The following ROBO1 variants were observed in gnomAD, a reference collection of about 807,000 sequenced individuals.
ROBO1 encodes the protein roundabout guidance receptor 1.
Under a neutral mutation model 195.9 loss-of-function variants are expected in ROBO1, and 149 were observed. That is an observed-to-expected ratio of 0.76 (90% CI 0.67 to 0.87). The LOEUF (loss-of-function observed/expected upper bound fraction) is 0.87. Ranked by LOEUF, ROBO1 falls within the 40% of genes least tolerant of loss-of-function variation. The pLI, the probability that ROBO1 is intolerant of heterozygous loss-of-function variation, is 0.00. For synonymous variants in ROBO1, 816 were observed against 733.2 expected (o/e 1.11, Z -1.82); for missense variants, 1,933 against 2,068.3 (o/e 0.93, Z 1.27).
chr3:78,639,675 GAAAGA>G, intron 22 of ROBO1, 64 bp downstream of exon 22: 2 of 1,427,086 alleles, frequency 1.4e-6, no homozygotes, highest in Non-Finnish European at 1.9e-6. Context: ...TAGGGAGAGG[GAAAGA>G]AAAGATCTTC....
intron 1 of ROBO1, among the ~76,000 whole-genome samples, chr3:79,719,405 A>T (rs1702611920): frequency 6.6e-6 from 1 of 152,142 alleles, no homozygotes; most frequent in Non-Finnish European, 1.5e-5. Flanking sequence ...ATTCTGAGAT[A>T]TTTACCCATG....
At chr3:79,614,901 A>G (rs1378092821) in intron 1 of ROBO1, among the ~76,000 whole-genome samples, 1 of 152,084 alleles carries the variant, frequency 6.6e-6, no homozygotes, top group Non-Finnish European at 1.5e-5. Context: ...ATGGACATTA[A>G]AAAATAGAAA....
chr3:79,659,611 GA>G (rs200081511), intron 1 of ROBO1, among the ~76,000 whole-genome samples: 6 of 142,396 alleles, frequency 4.2e-5, no homozygotes, highest in East Asian at 2.0e-4. Context: ...CCAGAGTTCA[GA>G]AAAAAAAAAC....
chr3:79,033,130 C>T (rs2078325281), intron 3 of ROBO1, among the ~76,000 whole-genome samples: 1 of 152,024 alleles, frequency 6.6e-6, no homozygotes, highest in Non-Finnish European at 1.5e-5. Context: ...TAAACCTAAA[C>T]ACTCATTAAT....
chr3:78,830,890 T>G lies in ROBO1; in HGVS notation c.500-83990A>C, dbSNP rs554314241. ...TAACTCTGTTTTGTTGTTTTTTGTGTTTTTTGTTTGTTTGTTTGTTTTGTT... is the reference window on the plus strand; with the variant it reads ...TAACTCTGTTTTGTTGTTTTTTGTGGTTTTTGTTTGTTTGTTTGTTTTGTT... On this transcript the variant is annotated intron_variant, in intron 4 of 30. Coordinates refer to ENST00000464233, the MANE Select transcript of ROBO1 (RefSeq NM_002941.4). Among the ~76,000 whole-genome samples, 3 of 150,112 alleles carry G rather than the reference T, an allele frequency of 2.0e-5. No homozygotes were observed. The South Asian group carries it at 6.2e-4, about 31-fold the overall frequency.
At position 79,744,369 on chromosome 3, in the gene ROBO1, C is replaced by A. The variant is rs185300724; in HGVS notation, c.-51+23383G>T. Among the ~76,000 whole-genome samples, 194 of 152,172 alleles carry A rather than the reference C, an allele frequency of 1.3e-3. 1 individual carries two copies. Among genetic ancestry groups the A allele is most frequent in the African/African-American group, 4.3e-3 (178 of 41,524 alleles). ...TGTGAAAAAATAGTTAAGAAATAAA[C>A]CCTATTGCAATGGAATGAATAATTG... On this transcript the variant is annotated intron_variant, in intron 1 of 30. Coordinates refer to ENST00000464233, the MANE Select transcript of ROBO1 (RefSeq NM_002941.4).
chr3:79,054,459 C>G (rs533179473), intron 3 of ROBO1, among the ~76,000 whole-genome samples: 1 of 151,960 alleles, frequency 6.6e-6, no homozygotes, highest in Non-Finnish European at 1.5e-5. Context: ...GCATTCCATC[C>G]AATGACAAAA....
intron 5 of ROBO1, among the ~76,000 whole-genome samples, chr3:78,739,263 C>T (rs929129040): frequency 3.3e-5 from 5 of 152,252 alleles, no homozygotes; most frequent in Admixed American, 6.5e-5. Context: ...TACTGTGTTG[C>T]TAATGTGTTA....
In ROBO1 at chr3:79,628,654, C is replaced by T. The variant is rs80312911; in HGVS notation, c.-50-38693G>A. Among the ~76,000 whole-genome samples the T allele has an allele frequency of 3.6e-3, 551 of 152,190 alleles. 2 individuals are homozygous for T. The highest frequency in any genetic ancestry group is 0.012 in the African/African-American group (514 of 41,534). ...ATAAAACCTTACATATCAACACTAA[C>T]CTTGAACAACAACAATGGCCTAAAT... On this transcript the variant is annotated intron_variant, in intron 1 of 30. Transcript: ENST00000464233.
chr3:79,609,750 C>CA, intron 1 of ROBO1, among the ~76,000 whole-genome samples: 1 of 151,340 alleles, frequency 6.6e-6, no homozygotes, highest in Non-Finnish European at 1.5e-5. Context: ...AAGTTGGTCA[C>CA]AAAACGACAA....
chr3:79,616,556 GC>G (rs1446817018), intron 1 of ROBO1, among the ~76,000 whole-genome samples: 1 of 152,008 alleles, frequency 6.6e-6, no homozygotes, highest in Non-Finnish European at 1.5e-5. Context: ...TGGCCAGAGA[GC>G]CCCCTTTTTG....
chr3:79,693,247 A>G (rs1295568634), intron 1 of ROBO1, among the ~76,000 whole-genome samples: 1 of 151,692 alleles, frequency 6.6e-6, no homozygotes, highest in Non-Finnish European at 1.5e-5. Context: ...CTTTTATAGC[A>G]TACATACATA....
At chr3:78,932,851 T>A (rs2039606710) in intron 4 of ROBO1, among the ~76,000 whole-genome samples, 1 of 152,132 alleles carries the variant, frequency 6.6e-6, no homozygotes, top group Non-Finnish European at 1.5e-5. Context: ...TTAGCACATA[T>A]TACTTCTGCA....
intron 2 of ROBO1, among the ~76,000 whole-genome samples, chr3:79,213,990 T>C (rs1484871220): frequency 6.6e-6 from 1 of 151,808 alleles, no homozygotes; most frequent in Non-Finnish European, 1.5e-5. Context: ...CACGCCCTGC[T>C]AAGTTTTATA....
intron 5 of ROBO1, among the ~76,000 whole-genome samples, chr3:78,718,556 A>G (rs1022400549): frequency 1.3e-5 from 2 of 152,076 alleles, no homozygotes; most frequent in Non-Finnish European, 2.9e-5. Flanking sequence ...TTGAATAAAA[A>G]TTAATTTTAA....
intron 2 of ROBO1, among the ~76,000 whole-genome samples, chr3:79,245,706 A>G (rs1576869253): frequency 6.6e-6 from 1 of 152,096 alleles, no homozygotes; most frequent in African/African-American, 2.4e-5. Flanking sequence ...AAGAGTCATT[A>G]GGAAAACTGC....
intron 3 of ROBO1, among the ~76,000 whole-genome samples, chr3:78,977,050 TAAAACA>T (rs1254125362): frequency 2.0e-5 from 3 of 152,206 alleles, no homozygotes; most frequent in South Asian, 2.1e-4. Context: ...TCAAAATTGG[TAAAACA>T]AAAACAAAAA....
intron 4 of ROBO1, among the ~76,000 whole-genome samples, chr3:78,751,676 T>A (rs1360781079): frequency 1.3e-5 from 2 of 152,196 alleles, no homozygotes; most frequent in Non-Finnish European, 2.9e-5. Context: ...TCTTTGAATA[T>A]ATTCTGCATT....
chr3:78,606,527 CAGTT>C (rs764849804), intron 29 of ROBO1, among the ~76,000 whole-genome samples: 10 of 152,170 alleles, frequency 6.6e-5, no homozygotes, highest in Non-Finnish European at 1.0e-4. Context: ...AAATCTAACT[CAGTT>C]GGCACCTCTC....
Sources: allele counts gnomAD v4.1 joint callset (sites outside exome capture counted in the v4.1 genomes callset), GRCh38; gene constraint gnomAD v4.1.1; transcripts MANE v1.5; gene names NCBI Gene and HGNC (gene_info 2026-07-23, HGNC 2026-07-21).